Variants in RALB observed in about 807,000 individuals in gnomAD.
The protein encoded by RALB is ras-related protein Ral-B.
A neutral mutation model predicts 21.3 loss-of-function variants in RALB; 16 were observed. The ratio of observed to expected loss-of-function variants is 0.75; its 90% CI spans 0.51 to 1.14. The LOEUF (loss-of-function observed/expected upper bound fraction) is 1.14. Ranked by LOEUF, RALB falls within the 50% of genes most tolerant of loss-of-function variation. The pLI, the probability that RALB is intolerant of heterozygous loss-of-function variation, is 0.00. For synonymous variants in RALB, 93 were observed against 96.1 expected (o/e 0.97, Z 0.19); for missense variants, 161 against 256.2 (o/e 0.63, Z 2.54).
intron 4 of RALB, among the ~76,000 whole-genome samples, chr2:120,290,348 T>G (rs1690277866): frequency 1.3e-5 from 2 of 152,198 alleles, no homozygotes; most frequent in South Asian, 4.1e-4. Flanking sequence ...CATTGGTTTG[T>G]GAAGGCTGGG....
chr2:120,255,078 T>C (rs924720852), intron 1 of RALB, among the ~76,000 whole-genome samples: 1 of 151,850 alleles, frequency 6.6e-6, no homozygotes, highest in Admixed American at 6.6e-5. Context: ...GTTAGAAACA[T>C]CATTAGAGAC....
chr2:120,240,481 G>A (rs1162696010), intron 1 of RALB, among the ~76,000 whole-genome samples: 1 of 151,430 alleles, frequency 6.6e-6, no homozygotes, highest in Non-Finnish European at 1.5e-5. Context: ...TTTGTATTTT[G>A]TAGAGACAGG....
At chr2:120,285,549 C>A (rs780652907) in intron 2 of RALB, among the ~76,000 whole-genome samples, 15 of 143,860 alleles carry the variant, frequency 1.0e-4, no homozygotes, top group Middle Eastern at 7.1e-3. Context: ...TGCATATGTA[C>A]CCTAAAACTT....
intron 1 of RALB, among the ~76,000 whole-genome samples, chr2:120,255,473 CA>C (rs1326924468): frequency 6.6e-6 from 1 of 152,176 alleles, no homozygotes; most frequent in African/African-American, 2.4e-5. Context: ...GAGATTTGAC[CA>C]TGGGCTGTCT....
intron 1 of RALB, among the ~76,000 whole-genome samples, chr2:120,243,050 T>C (rs984389563): frequency 2.0e-5 from 3 of 152,220 alleles, no homozygotes; most frequent in Non-Finnish European, 2.9e-5. Context: ...GCTCCCTTCG[T>C]TCTGATGCAG....
chr2:120,249,564 C>T (rs748651281), upstream of RALB, among the ~76,000 whole-genome samples: 24 of 152,068 alleles, frequency 1.6e-4, no homozygotes, highest in Non-Finnish European at 2.6e-4. Context: ...GGAGGTGCCA[C>T]GCACTCTTAA....
At chr2:120,263,687 C>T (rs1350743085) in intron 1 of RALB, among the ~76,000 whole-genome samples, 1 of 151,558 alleles carries the variant, frequency 6.6e-6, no homozygotes, top group African/African-American at 2.4e-5. Context: ...AGCCTCCAAA[C>T]CCAGCTAATT....
At chr2:120,278,036 C>T (rs529273693) in intron 1 of RALB, among the ~76,000 whole-genome samples, 14 of 142,580 alleles carry the variant, frequency 9.8e-5, no homozygotes, top group South Asian at 4.6e-4. Flanking sequence ...AATGTGAGAG[C>T]GTGAGTGTGT....
intron 1 of RALB, among the ~76,000 whole-genome samples, chr2:120,258,970 G>A (rs1419285459): frequency 6.6e-6 from 1 of 151,292 alleles, no homozygotes; most frequent in African/African-American, 2.4e-5. Flanking sequence ...TCGTGGTCTC[G>A]CTGGCTCAGG....
At chr2:120,268,959 G>A (rs1287328895) in intron 1 of RALB, among the ~76,000 whole-genome samples, 1 of 151,984 alleles carries the variant, frequency 6.6e-6, no homozygotes, top group Non-Finnish European at 1.5e-5. Context: ...AAATGACATT[G>A]TATTATATGT....
intron 1 of RALB, among the ~76,000 whole-genome samples, chr2:120,241,962 C>T (rs139448921): frequency 1.2e-3 from 181 of 152,326 alleles, no homozygotes; most frequent in African/African-American, 3.8e-3. Flanking sequence ...TATATTTGCA[C>T]ACCCACATTC....
intron 1 of RALB, among the ~76,000 whole-genome samples, chr2:120,259,357 G>T (rs1456614056): frequency 1.3e-5 from 2 of 152,132 alleles, no homozygotes; most frequent in East Asian, 3.9e-4. Context: ...AGATACAAAG[G>T]TTCTCCACGT....
intron 2 of RALB, among the ~76,000 whole-genome samples, chr2:120,281,975 T>C (rs1292242052): frequency 6.6e-6 from 1 of 152,118 alleles, no homozygotes; most frequent in Non-Finnish European, 1.5e-5. Context: ...GCTACCAGCA[T>C]CTAGTGCGTG....
chr2:120,267,536 G>GCTCC lies in RALB; in HGVS notation c.-47-11082_-47-11081insCTCC, dbSNP rs146382788. On this transcript the variant is annotated intron_variant, in intron 1 of 4. Coordinates refer to ENST00000272519, the MANE Select transcript of RALB (RefSeq NM_002881.3). ...CAGGCCAGGGTCTGGGTATGAGATC[G>GCTCC]GGAGGGCTGGGCCTATCATGTCCGA... Among the ~76,000 whole-genome samples, 243 of 152,238 alleles carry GCTCC rather than the reference G, an allele frequency of 1.6e-3. 6 individuals carry two copies. In the East Asian group the frequency reaches 0.043, roughly 27 times the overall value.
At position 120,293,388 on chromosome 2, in the gene RALB, A is replaced by C. The variant is rs1028478326; in HGVS notation, c.*128A>C. ...CGACTTCATTCACTCAAACTTCTTT[A>C]AATGGGGAAAAATATTTGTGACTCT... On this transcript the variant is annotated 3_prime_UTR_variant, in exon 5 of 5. Coordinates refer to ENST00000272519, the MANE Select transcript of RALB (RefSeq NM_002881.3). The C allele has an allele frequency of 5.0e-6, 5 of 1,004,276 alleles. No homozygotes were observed. The Admixed American group carries it at 1.5e-4, about 30-fold the overall frequency. The allele number at this position is 1,004,276 out of a possible 1,614,324, so 62.2% of individuals were successfully genotyped here.
At chr2:120,289,905 T>G (rs1330974149) in intron 4 of RALB, 148 bp downstream of exon 4, 2 of 761,642 alleles carry the variant, frequency 2.6e-6, no homozygotes, top group East Asian at 6.0e-5. Flanking sequence ...ATCATGATTA[T>G]AATGAGAAAC....
At position 120,293,440 on chromosome 2, in the gene RALB, G is replaced by A. The variant is rs1157845302; in HGVS notation, c.*180G>A. The A allele has an allele frequency of 6.0e-6, 3 of 496,192 alleles. No individual in the cohort carries two copies. Among genetic ancestry groups the A allele is most frequent in the South Asian group, 4.0e-5 (1 of 25,026 alleles). The allele number at this position is 496,192 out of a possible 1,614,324, so 30.7% of individuals were successfully genotyped here. ...TGGCTGGCAGAAGAAATAAGCCCAT[G>A]CAAGTGGAAGGGCTGCTTTGTCAGG... On this transcript the variant is annotated 3_prime_UTR_variant, in exon 5 of 5. Coordinates refer to ENST00000272519, the MANE Select transcript of RALB (RefSeq NM_002881.3).
intron 1 of RALB, among the ~76,000 whole-genome samples, chr2:120,245,929 C>T (rs905839812): frequency 6.6e-6 from 1 of 152,202 alleles, no homozygotes; most frequent in Non-Finnish European, 1.5e-5. Flanking sequence ...AATAGGGAAT[C>T]GCCCTTTGAT....
chr2:120,251,024 C>T (rs889100436), upstream of RALB, among the ~76,000 whole-genome samples: 1 of 152,174 alleles, frequency 6.6e-6, no homozygotes, highest in Non-Finnish European at 1.5e-5. Flanking sequence ...GTTACCAATG[C>T]AAAGGAATGG....
Sources: allele counts gnomAD v4.1 joint callset (sites outside exome capture counted in the v4.1 genomes callset), GRCh38; gene constraint gnomAD v4.1.1; transcripts MANE v1.5; gene names NCBI Gene and HGNC (gene_info 2026-07-23, HGNC 2026-07-21).